The following LMNTD1 variants were observed in gnomAD, a reference collection of about 807,000 sequenced individuals.
LMNTD1 encodes the protein lamin tail domain containing 1.
In LMNTD1, 35 loss-of-function variants were observed where a neutral mutation model predicts 50.9. The observed-to-expected ratio is 0.69, with a 90% confidence interval of 0.53 to 0.91. The LOEUF (loss-of-function observed/expected upper bound fraction) is 0.91. Among genes scored for constraint, LMNTD1 ranks in the 40% least tolerant of loss-of-function variants. The probability of loss-of-function intolerance (pLI) is 0.00; values close to 1 mark genes in which losing one functional copy is unlikely to be tolerated. For missense variants in LMNTD1, 470 were observed against 475.5 expected (o/e 0.99, Z 0.11); for synonymous variants, 153 against 161.9 (o/e 0.94, Z 0.42).
At chr12:25,479,780 A>G (rs981804522) in intron 9 of LMNTD1, among the ~76,000 whole-genome samples, 130 of 152,356 alleles carry the variant, frequency 8.5e-4, no homozygotes, top group East Asian at 7.7e-4. Context: ...TGCCCTTTTC[A>G]TGATAGAAGA....
chr12:25,562,964 C>T (rs567980676), intron 1 of LMNTD1, among the ~76,000 whole-genome samples: 11 of 152,290 alleles, frequency 7.2e-5, no homozygotes, highest in Non-Finnish European at 1.2e-4. Flanking sequence ...ACGTAGTTCT[C>T]GTGCCATGGT....
intron 1 of LMNTD1, among the ~76,000 whole-genome samples, chr12:25,645,455 G>A (rs113661781): frequency 1.3e-5 from 2 of 152,138 alleles, no homozygotes; most frequent in African/African-American, 4.8e-5. Context: ...GAAAGGTTAC[G>A]TTGCTCATAC....
chr12:25,641,435 T>A (rs555906743), intron 1 of LMNTD1, among the ~76,000 whole-genome samples: 1 of 152,296 alleles, frequency 6.6e-6, no homozygotes, highest in African/African-American at 2.4e-5. Context: ...GTTCAAATAT[T>A]GTCTGTGGCA....
chr12:25,537,057 C>T (rs1047687494), intron 4 of LMNTD1, among the ~76,000 whole-genome samples: 3 of 152,208 alleles, frequency 2.0e-5, no homozygotes, highest in Admixed American at 6.5e-5. Flanking sequence ...TTATATCCCA[C>T]ACCTGGCTCG....
At chr12:25,487,092 G>GA (rs1347846121) in intron 9 of LMNTD1, among the ~76,000 whole-genome samples, 2 of 148,868 alleles carry the variant, frequency 1.3e-5, no homozygotes, top group East Asian at 2.0e-4. Context: ...GTGTGGTGCT[G>GA]AAAAAAATGT....
intron 9 of LMNTD1, among the ~76,000 whole-genome samples, chr12:25,486,765 T>A (rs1303403412): frequency 6.7e-6 from 1 of 150,072 alleles, no homozygotes; most frequent in East Asian, 2.0e-4. Flanking sequence ...GAGATAATCA[T>A]GTGGTTTTTG....
At chr12:25,590,051 C>T (rs959338044) in intron 1 of LMNTD1, among the ~76,000 whole-genome samples, 1 of 151,580 alleles carries the variant, frequency 6.6e-6, no homozygotes, top group Non-Finnish European at 1.5e-5. Context: ...TAACAACTAT[C>T]TACATGCTAT....
intron 1 of LMNTD1, among the ~76,000 whole-genome samples, chr12:25,609,628 G>C (rs1399384713): frequency 6.6e-6 from 1 of 152,214 alleles, no homozygotes; most frequent in African/African-American, 2.4e-5. Flanking sequence ...TCCAGACCCT[G>C]TTTGCCTGGG....
rs182216012 is a variant in LMNTD1 at position 25,606,865 on chromosome 12, T to C, written c.58+41629A>G. ...GCCTCATAAAATGAGTTAGGGAGGATTCCTTCTTTTCCTATTGATTGGAAT... is the reference window on the plus strand; with the variant it reads ...GCCTCATAAAATGAGTTAGGGAGGACTCCTTCTTTTCCTATTGATTGGAAT... On this transcript the variant is annotated intron_variant, in intron 1 of 7. Coordinates refer to the LMNTD1 transcript ENST00000445693. 1.6e-4 allele frequency among the ~76,000 whole-genome samples: 24 copies of C among 152,280 alleles called. 1 individual carries two copies. The East Asian group carries it at 4.0e-3, about 26-fold the overall frequency.
At chr12:25,640,313 C>A (rs1234474586) in intron 1 of LMNTD1, among the ~76,000 whole-genome samples, 4 of 151,992 alleles carry the variant, frequency 2.6e-5, no homozygotes, top group Non-Finnish European at 5.9e-5. Context: ...AGTTCGAGAC[C>A]AGCCTGGGCA....
intron 1 of LMNTD1, among the ~76,000 whole-genome samples, chr12:25,566,953 A>G (rs1163712210): frequency 1.3e-5 from 2 of 152,204 alleles, no homozygotes; most frequent in African/African-American, 4.8e-5. Flanking sequence ...GAGAGAATGG[A>G]AGAAATTGGG....
At chr12:25,478,558 G>T (rs1938344299) in intron 9 of LMNTD1, among the ~76,000 whole-genome samples, 1 of 152,164 alleles carries the variant, frequency 6.6e-6, no homozygotes, top group African/African-American at 2.4e-5. Flanking sequence ...GCCGAGGTGG[G>T]CGAATCACCT....
chr12:25,521,907 T>C (rs1941349035), intron 6 of LMNTD1, among the ~76,000 whole-genome samples: 2 of 152,206 alleles, frequency 1.3e-5, no homozygotes, highest in African/African-American at 4.8e-5. Context: ...GTGCACAACA[T>C]ACACGTGCAA....
chr12:25,615,657 C>T (rs550047863), intron 1 of LMNTD1, among the ~76,000 whole-genome samples: 108 of 152,180 alleles, frequency 7.1e-4, no homozygotes, highest in African/African-American at 2.6e-3. Context: ...GACAGGGTTT[C>T]AACATGTTGC....
At chr12:25,527,106 C>A in intron 4 of LMNTD1, 151 bp from the exon 5 acceptor site, 1 of 479,954 alleles carries the variant, frequency 2.1e-6, no homozygotes, top group Non-Finnish European at 3.6e-6. Flanking sequence ...TATTTTGTAA[C>A]CTCAGACAAA....
intron 1 of LMNTD1, among the ~76,000 whole-genome samples, chr12:25,591,811 CAGAG>C (rs58392351): frequency 0.049 from 4,412 of 90,028 alleles, 151 homozygotes; most frequent in Admixed American, 0.14. Context: ...TAGCTCAGAA[CAGAG>C]AGAGAGAGAG....
At chr12:25,554,774 A>G (rs1943963927), upstream of LMNTD1, among the ~76,000 whole-genome samples, 1 of 152,174 alleles carries the variant, frequency 6.6e-6, no homozygotes, top group Non-Finnish European at 1.5e-5. Context: ...AATAGATTAC[A>G]ATTATCTGGC....
At chr12:25,520,588 T>A (rs1941245154) in intron 6 of LMNTD1, among the ~76,000 whole-genome samples, 1 of 152,210 alleles carries the variant, frequency 6.6e-6, no homozygotes, top group Non-Finnish European at 1.5e-5. Context: ...ACATTTTCTT[T>A]ATCCATTTGT....
At chr12:25,643,440 G>A (rs755872869) in intron 1 of LMNTD1, among the ~76,000 whole-genome samples, 2 of 152,134 alleles carry the variant, frequency 1.3e-5, no homozygotes, top group South Asian at 2.1e-4. Flanking sequence ...AACAAGGGCC[G>A]GATGATAGAG....
Sources: gnomAD v4.1 joint callset for allele counts (sites outside exome capture counted in the v4.1 genomes callset) on GRCh38, gnomAD v4.1.1 for gene constraint, MANE v1.5 for transcripts, NCBI Gene and HGNC (gene_info 2026-07-23, HGNC 2026-07-21) for gene names.